DNAJB1: variants seen among roughly 807,000 people sequenced by gnomAD.
The protein encoded by DNAJB1 is DnaJ heat shock protein family (Hsp40) member B1, also known as dnaJ homolog subfamily B member 1.
In DNAJB1, 14 loss-of-function variants were observed where a neutral mutation model predicts 24.0. That is an observed-to-expected ratio of 0.58 (90% confidence interval 0.39 to 0.91). The LOEUF is 0.91. DNAJB1 is among the 40% of genes least tolerant of loss of function. The pLI, the probability that DNAJB1 is intolerant of heterozygous loss-of-function variation, is 0.00. For synonymous variants in DNAJB1, 262 were observed against 174.4 expected, an observed-to-expected ratio of 1.50 and a Z score of -3.96; for missense variants, 517 against 458.1, an observed-to-expected ratio of 1.13 and a Z score of -1.17.
At chr19:14,553,233 C>T (rs868384657), upstream of DNAJB1, among the ~76,000 whole-genome samples, 3 of 152,170 alleles carry the variant, frequency 2.0e-5, no homozygotes, top group African/African-American at 4.8e-5. Flanking sequence ...CCAGCTTCTC[C>T]GGGTCCCGGG....
At chr19:14,532,573 G>T (rs2072714957), upstream of DNAJB1, 1 of 151,004 alleles carries the variant, frequency 6.6e-6, no homozygotes. Context: ...TGACCTTGAA[G>T]GAAAAAATAA....
At chr19:14,544,651 T>A (rs555602776) in intron 1 of DNAJB1, among the ~76,000 whole-genome samples, 1,473 of 124,486 alleles carry the variant, frequency 0.012, 8 homozygotes, top group South Asian at 0.056. Flanking sequence ...TTTTTTTTTT[T>A]GAGACAGGGT....
At chr19:14,559,169 AAC>A (rs1289400066) in intron 1 of DNAJB1, among the ~76,000 whole-genome samples, 1 of 152,174 alleles carries the variant, frequency 6.6e-6, no homozygotes, top group African/African-American at 2.4e-5. Context: ...CACCCCTTTA[AAC>A]AATAATTTAT....
intron 1 of DNAJB1, chr19:14,517,295 A>T (rs1599380585): frequency 8.1e-6 from 4 of 493,472 alleles, no homozygotes; most frequent in Non-Finnish European, 1.5e-5. Context: ...TCCAGGTGCC[A>T]CCTAGGCCCT....
upstream of DNAJB1, among the ~76,000 whole-genome samples, chr19:14,552,990 G>T (rs2073589125): frequency 6.6e-6 from 1 of 152,064 alleles, no homozygotes; most frequent in Non-Finnish European, 1.5e-5. Flanking sequence ...GGCCCTGAGG[G>T]CACAACCGCA....
chr19:14,545,253 T>C, intron 1 of DNAJB1: 1 of 455,646 alleles, frequency 2.2e-6, no homozygotes, highest in South Asian at 1.6e-5. Flanking sequence ...ATTTACTCTG[T>C]TCCAGCCTCC....
chr19:14,533,074 T>C (rs2072732900), upstream of DNAJB1, among the ~76,000 whole-genome samples: 1 of 152,018 alleles, frequency 6.6e-6, no homozygotes, highest in African/African-American at 2.4e-5. Flanking sequence ...ATCACGCCAC[T>C]GTACTCCAGC....
intron 1 of DNAJB1, 88 bp downstream of exon 1, chr19:14,518,051 T>C (rs2072306503): frequency 7.5e-7 from 1 of 1,325,496 alleles, no homozygotes; most frequent in South Asian, 1.7e-5. Context: ...GGGGCGTCCT[T>C]CCCGGGGGGC....
At chr19:14,531,657 G>A (rs1457682624), upstream of DNAJB1, 1 of 152,102 alleles carries the variant, frequency 6.6e-6, no homozygotes. Context: ...CCCGACCTCA[G>A]GTGATCCACC....
upstream of DNAJB1, among the ~76,000 whole-genome samples, chr19:14,553,115 T>C (rs1599469977): frequency 2.6e-5 from 4 of 152,244 alleles, 2 homozygotes; most frequent in South Asian, 8.4e-4. Context: ...CCTCTATGAA[T>C]GGCTGTGGCT....
upstream of DNAJB1, chr19:14,531,218 T>TACAAA (rs1392766129): frequency 6.6e-6 from 1 of 151,118 alleles, no homozygotes; most frequent in Non-Finnish European, 1.5e-5. Flanking sequence ...GTATTTTTAG[T>TACAAA]AGAGATGGGG....
intron 1 of DNAJB1, among the ~76,000 whole-genome samples, chr19:14,539,673 C>G (rs1198037230): frequency 6.6e-6 from 1 of 152,108 alleles, no homozygotes. Context: ...CGTTCCTGCC[C>G]TAAGCACATG....
rs549148705 is a variant in DNAJB1 at position 14,555,411 on chromosome 19, G to A, written c.-2165-1093C>T. On this transcript the variant is annotated intron_variant, in intron 1 of 5. Coordinates refer to the DNAJB1 transcript ENST00000679223. ...TTACAGGTGCCCACTGCCATGCCCA[G>A]CAAATTTTTTTGTATTTTTATTTAT... Among the ~76,000 whole-genome samples the A allele has an allele frequency of 9.2e-4, 132 of 142,800 alleles. 1 individual carries two copies. Among genetic ancestry groups the A allele is most frequent in the African/African-American group, 3.2e-3 (124 of 38,530 alleles). The allele number at this position is 142,800 out of a possible 152,430, so 93.7% of individuals were successfully genotyped here. A position where few individuals can be genotyped will look rare whatever the true frequency, so the allele number is the denominator to read the frequency against.
chr19:14,550,607 C>T (rs1199344029), upstream of DNAJB1, among the ~76,000 whole-genome samples: 1 of 152,128 alleles, frequency 6.6e-6, no homozygotes, highest in East Asian at 1.9e-4. Context: ...GGTCTGGGAC[C>T]TGGGGAGTTG....
At chr19:14,554,971 G>A (rs971011989), upstream of DNAJB1, among the ~76,000 whole-genome samples, 2 of 151,468 alleles carry the variant, frequency 1.3e-5, no homozygotes, top group African/African-American at 4.8e-5. Context: ...TAGAGATGGG[G>A]TTTCACCATG....
intron 1 of DNAJB1, among the ~76,000 whole-genome samples, chr19:14,549,311 C>T (rs891422881): frequency 6.8e-6 from 1 of 148,014 alleles, no homozygotes; most frequent in African/African-American, 2.5e-5. Context: ...CTCCCGGGTT[C>T]AAGCAGTTCT....
chr19:14,526,851 C>T (rs2072433411), intron 2 of DNAJB1, among the ~76,000 whole-genome samples: 1 of 152,124 alleles, frequency 6.6e-6, no homozygotes, highest in African/African-American at 2.4e-5. Context: ...GGTTTCAACC[C>T]TATCCCCATG....
chr19:14,535,612 G>A (rs186435572), intron 1 of DNAJB1, among the ~76,000 whole-genome samples: 7 of 111,424 alleles, frequency 6.3e-5, no homozygotes, highest in African/African-American at 2.5e-4. Context: ...AAATTAGCCA[G>A]GCATCATGGT....
upstream of DNAJB1, among the ~76,000 whole-genome samples, chr19:14,553,066 C>T (rs374084741): frequency 9.2e-5 from 14 of 152,070 alleles, no homozygotes; most frequent in African/African-American, 3.1e-4. Flanking sequence ...GACCCAGGTT[C>T]TCCAACTTCC....
Sources: allele counts gnomAD v4.1 joint callset (sites outside exome capture counted in the v4.1 genomes callset), GRCh38; gene constraint gnomAD v4.1.1; transcripts MANE v1.5; gene names NCBI Gene and HGNC (gene_info 2026-07-23, HGNC 2026-07-21).